MYBL1: variants seen among roughly 807,000 people sequenced by gnomAD.
The protein encoded by MYBL1 is MYB proto-oncogene like 1.
A neutral mutation model predicts 96.3 loss-of-function variants in MYBL1; 17 were observed. That is an observed-to-expected ratio of 0.18 (90% CI 0.12 to 0.26). The LOEUF (loss-of-function observed/expected upper bound fraction) is 0.26, where lower values mean the gene tolerates loss of function less well. Among genes scored for constraint, MYBL1 ranks in the 10% least tolerant of loss-of-function variants. MYBL1 has a pLI of 1.00. For missense variants in MYBL1, 701 were observed against 882.9 expected (o/e 0.79, Z 2.61); for synonymous variants, 282 against 292.7 (o/e 0.96, Z 0.37).
intron 1 of MYBL1, among the ~76,000 whole-genome samples, chr8:66,606,784 T>A (rs1810328224): frequency 6.6e-6 from 1 of 151,606 alleles, no homozygotes; most frequent in Admixed American, 6.6e-5. Context: ...CTTCCATACA[T>A]GGCTGTTTTT....
chr8:66,607,136 A>C (rs866397661), intron 1 of MYBL1, among the ~76,000 whole-genome samples: 4,422 of 150,754 alleles, frequency 0.029, 209 homozygotes, highest in African/African-American at 0.099. Context: ...CAACAAAAAA[A>C]AAAAAAAAAA....
chr8:66,575,908 TA>T lies in MYBL1; in HGVS notation c.1470+98del, dbSNP rs376880782. ...TATACATTTAAACACATTATTTTTA[TA>T]TGTTATCAAAGCTACCAACTGCTAG... On this transcript the variant is annotated intron_variant, in intron 10 of 15. Transcript: ENST00000522677. 9.7e-5 allele frequency: 118 copies of T among 1,214,430 alleles called. No individual in the cohort carries two copies. The African/African-American group carries it at 1.5e-3, about 15-fold the overall frequency. 75.2% of individuals were successfully genotyped at this position (1,214,430 alleles called of 1,614,324 possible).
At chr8:66,578,852 T>G (rs1809079190) in intron 9 of MYBL1, among the ~76,000 whole-genome samples, 1 of 152,144 alleles carries the variant, frequency 6.6e-6, no homozygotes, top group Non-Finnish European at 1.5e-5. Flanking sequence ...AATGATAGAC[T>G]GGATTAAGAA....
chr8:66,595,191 C>T (rs546945584), intron 6 of MYBL1, among the ~76,000 whole-genome samples: 68 of 152,296 alleles, frequency 4.5e-4, no homozygotes, highest in African/African-American at 1.4e-3. Flanking sequence ...AAAACAATTA[C>T]TTATTTTTGC....
chr8:66,598,728 A>C (rs1369588234), intron 4 of MYBL1, among the ~76,000 whole-genome samples: 1 of 152,184 alleles, frequency 6.6e-6, no homozygotes, highest in Non-Finnish European at 1.5e-5. Flanking sequence ...TTAAAATGTT[A>C]ATTAGATTTT....
Position 66,601,781 on chromosome 8 carries a change from G to T in MYBL1, c.127-12C>A. On this transcript the variant is annotated splice_polypyrimidine_tract_variant and intron_variant, in intron 2 of 15. Coordinates refer to ENST00000522677, the MANE Select transcript of MYBL1 (RefSeq NM_001080416.4). ...TTTAATTTATCATCCTATTAAAACA[G>T]TACAAAAATTAGAAAGCTTTCCCCC... 7.0e-7 allele frequency: 1 copy of T among 1,434,678 alleles called. No homozygotes were observed. The highest frequency in any genetic ancestry group is 9.5e-7 in the Non-Finnish European group (1 of 1,052,190). 88.9% of individuals were successfully genotyped at this position (1,434,678 alleles called of 1,614,324 possible).
intron 1 of MYBL1, among the ~76,000 whole-genome samples, chr8:66,605,377 A>T (rs1237438394): frequency 6.6e-6 from 1 of 152,222 alleles, no homozygotes; most frequent in African/African-American, 2.4e-5. Flanking sequence ...GCCAGCATAC[A>T]AAGAATAGCT....
chr8:66,587,996 A>G (rs4641051), intron 8 of MYBL1, among the ~76,000 whole-genome samples: 3,767 of 152,258 alleles, frequency 0.025, 164 homozygotes, highest in African/African-American at 0.085. Context: ...CACTGTTGCA[A>G]AGCAAATTCG....
chr8:66,607,180 A>G (rs1427073243), intron 1 of MYBL1, among the ~76,000 whole-genome samples: 1 of 152,130 alleles, frequency 6.6e-6, no homozygotes, highest in African/African-American at 2.4e-5. Flanking sequence ...TATCTGATAC[A>G]TGCAGCCATT....
chr8:66,575,184 C>T (rs576828502), intron 10 of MYBL1, among the ~76,000 whole-genome samples: 1 of 152,298 alleles, frequency 6.6e-6, no homozygotes, highest in African/African-American at 2.4e-5. Context: ...TAGTTCTAGA[C>T]ATCCTTAGGA....
chr8:66,595,892 G>T (rs1055767010), intron 5 of MYBL1, 135 bp from the exon 6 acceptor site: 3 of 578,342 alleles, frequency 5.2e-6, no homozygotes, highest in Non-Finnish European at 8.5e-6. Flanking sequence ...TTTTTCTTTT[G>T]GAGTTTCTAC....
At chr8:66,569,860 G>GT (rs1808661030) in intron 12 of MYBL1, among the ~76,000 whole-genome samples, 1 of 152,108 alleles carries the variant, frequency 6.6e-6, no homozygotes, top group Non-Finnish European at 1.5e-5. Context: ...TATTTCTACA[G>GT]TTTTTAGCCT....
Position 66,602,421 on chromosome 8 carries a change from G to T in MYBL1, c.123C>A (p.Asp41Glu). The change falls in exon 2 of 16, where the codon GAC (aspartate) becomes GAA (glutamate). Residue 41 changes from aspartate (D) to glutamate (E), a missense_variant. Asp to Glu is a conservative substitution (Grantham distance 45). This residue lies in a region of MYBL1 where 68 missense variants were observed against 93.8 expected (regional missense o/e 0.72). Transcript: ENST00000522677. ...TGAAACCTTGTCAGATAATTACCTC[G>T]TCCCTTGTCCATTTTACTCTGTTCC... Reference protein sequence around the residue: ...KLWNRVKWTRDEDDKLKKLVE... With the variant: ...KLWNRVKWTREEDDKLKKLVE... 6.3e-7 allele frequency: 1 copy of T among 1,577,256 alleles called. No individual in the cohort carries two copies. Among genetic ancestry groups the T allele is most frequent in the South Asian group, 1.1e-5 (1 of 87,250 alleles).
Position 66,608,667 on chromosome 8 carries a change from T to A in MYBL1, c.20+4152A>T, listed in dbSNP as rs192720975. ...CCCATCACTGAAAAATGGTTAGATATCATCAAAATGGATCTGCTCTATTTG... is the reference window on the plus strand; with the variant it reads ...CCCATCACTGAAAAATGGTTAGATAACATCAAAATGGATCTGCTCTATTTG... On this transcript the variant is annotated intron_variant, in intron 1 of 15. Transcript: ENST00000522677. Among the ~76,000 whole-genome samples, 99 of 152,246 alleles carry A rather than the reference T, an allele frequency of 6.5e-4. 1 individual carries two copies. Among genetic ancestry groups the A allele is most frequent in the Non-Finnish European group, 9.0e-4 (61 of 67,938 alleles).
chr8:66,565,918 G>T, intron 15 of MYBL1, 146 bp downstream of exon 15: 1 of 602,772 alleles, frequency 1.7e-6, no homozygotes, highest in Non-Finnish European at 2.8e-6. Context: ...ACCCAAATGT[G>T]AGTGATAAAA....
intron 1 of MYBL1, among the ~76,000 whole-genome samples, 200 bp from the exon 2 acceptor site, chr8:66,602,723 ATATATATATATTTTTTTTTTTT>A (rs1181403237): frequency 4.4e-5 from 2 of 45,180 alleles, no homozygotes; most frequent in Non-Finnish European, 8.4e-5. Flanking sequence ...ATATATATAT[ATATATATATATTTTTTTTTTTT>A]TTTTTTTTTT....
intron 15 of MYBL1, chr8:66,565,517 AAAG>A (rs949800279): frequency 2.6e-5 from 4 of 152,322 alleles, no homozygotes; most frequent in African/African-American, 7.2e-5. Flanking sequence ...ACTGTGGCAT[AAAG>A]AAGAAAATTT....
chr8:66,563,394 T>G lies in MYBL1; in HGVS notation c.*1303A>C, dbSNP rs1298442877. 2 of 152,360 alleles carry G rather than the reference T, an allele frequency of 1.3e-5. No individual in the cohort carries two copies. Among genetic ancestry groups the G allele is most frequent in the African/African-American group, 4.8e-5 (2 of 41,360 alleles). The allele number at this position is 152,360 out of a possible 1,614,324, so 9.4% of individuals were successfully genotyped here. On this transcript the variant is annotated 3_prime_UTR_variant, in exon 16 of 16. Coordinates refer to ENST00000522677, the MANE Select transcript of MYBL1 (RefSeq NM_001080416.4). Reference sequence around the variant, plus strand: ...ATGACTGAAAAAAAATTACATATAATCTCTACCACAAAAGCAAATAAAAAT... The same window carrying G: ...ATGACTGAAAAAAAATTACATATAAGCTCTACCACAAAAGCAAATAAAAAT...
intron 3 of MYBL1, among the ~76,000 whole-genome samples, chr8:66,601,342 T>C (rs1810065909): frequency 6.6e-6 from 1 of 152,184 alleles, no homozygotes; most frequent in Non-Finnish European, 1.5e-5. Context: ...AAGCTTTTTT[T>C]AATAGGGCTT....
Sources: gnomAD v4.1 joint callset for allele counts (sites outside exome capture counted in the v4.1 genomes callset) on GRCh38, gnomAD v4.1.1 for gene constraint, gnomAD v4.1.1 regional missense constraint, MANE v1.5 for transcripts, NCBI Gene and HGNC (gene_info 2026-07-23, HGNC 2026-07-21) for gene names.